Variants in PLD3 observed in about 807,000 individuals in gnomAD.
The protein encoded by PLD3 is phospholipase D family member 3, also known as 5'-3' exonuclease PLD3.
A neutral mutation model predicts 58.4 loss-of-function variants in PLD3; 31 were observed. The ratio of observed to expected loss-of-function variants is 0.53; its 90% CI spans 0.40 to 0.72. The LOEUF is 0.72. Among genes scored for constraint, PLD3 ranks in the 30% least tolerant of loss-of-function variants. The pLI, the probability that PLD3 is intolerant of heterozygous loss-of-function variation, is 0.00. For missense variants in PLD3, 595 were observed against 659.8 expected (o/e 0.90, Z 1.08); for synonymous variants, 264 against 273.4 (o/e 0.97, Z 0.34).
chr19:40,377,411 G>C (rs2079256672), intron 11 of PLD3, among the ~76,000 whole-genome samples: 1 of 133,328 alleles, frequency 7.5e-6, no homozygotes, highest in South Asian at 2.6e-4. Flanking sequence ...GGCCCAGGCA[G>C]AGGGGTCAGG....
intron 1 of PLD3, among the ~76,000 whole-genome samples, chr19:40,354,957 C>T (rs1291421504): frequency 2.7e-5 from 4 of 150,920 alleles, no homozygotes; most frequent in African/African-American, 7.3e-5. Context: ...CATGCCTCAG[C>T]CCCCTCAAGT....
intron 1 of PLD3, among the ~76,000 whole-genome samples, chr19:40,352,542 T>C (rs1600254453): frequency 6.6e-6 from 1 of 152,212 alleles, no homozygotes; most frequent in African/African-American, 2.4e-5. Flanking sequence ...TTACCACATA[T>C]CCTATTTCTC....
intron 1 of PLD3, among the ~76,000 whole-genome samples, chr19:40,361,063 C>T (rs190156101): frequency 6.6e-6 from 1 of 152,270 alleles, no homozygotes; most frequent in African/African-American, 2.4e-5. Flanking sequence ...AGGAGGGTCA[C>T]CTGAGGCCAG....
intron 1 of PLD3, among the ~76,000 whole-genome samples, chr19:40,353,629 A>G (rs546467290): frequency 2.6e-4 from 40 of 151,446 alleles, no homozygotes; most frequent in Admixed American, 8.6e-4. Context: ...CCCAGGCTGG[A>G]GTGCAGTGGT....
At chr19:40,375,565 G>T (rs113973835) in intron 10 of PLD3, among the ~76,000 whole-genome samples, 1 of 149,594 alleles carries the variant, frequency 6.7e-6, no homozygotes, top group Non-Finnish European at 1.5e-5. Context: ...CAGGAGAATC[G>T]CTTGAACCCG....
At chr19:40,355,638 C>T (rs1362002834) in intron 1 of PLD3, among the ~76,000 whole-genome samples, 5 of 68,962 alleles carry the variant, frequency 7.3e-5, no homozygotes, top group African/African-American at 3.0e-4. Flanking sequence ...TTTTTTTTTT[C>T]CTGCAATCTC....
intron 1 of PLD3, among the ~76,000 whole-genome samples, chr19:40,361,794 A>C (rs1055774653): frequency 6.7e-6 from 1 of 149,936 alleles, no homozygotes; most frequent in African/African-American, 2.5e-5. Context: ...TATGGCACTT[A>C]CTACCTTCTA....
intron 1 of PLD3, among the ~76,000 whole-genome samples, chr19:40,365,182 A>G (rs2078887268): frequency 6.6e-6 from 1 of 152,064 alleles, no homozygotes; most frequent in Admixed American, 6.6e-5. Context: ...CCCTGCCGTG[A>G]AAAGAGGTGC....
At chr19:40,364,268 C>T (rs1009914134) in intron 1 of PLD3, among the ~76,000 whole-genome samples, 4 of 151,444 alleles carry the variant, frequency 2.6e-5, no homozygotes, top group African/African-American at 9.7e-5. Context: ...GCAGGAGAAT[C>T]GCTTGAAACC....
intron 1 of PLD3, among the ~76,000 whole-genome samples, chr19:40,361,613 A>G (rs1336955901): frequency 6.6e-6 from 1 of 151,710 alleles, no homozygotes; most frequent in South Asian, 2.1e-4. Context: ...CTCCATCCAC[A>G]CCAGGCACAT....
chr19:40,373,507 G>A (rs993073291), intron 9 of PLD3, among the ~76,000 whole-genome samples: 2 of 151,026 alleles, frequency 1.3e-5, no homozygotes, highest in Non-Finnish European at 2.9e-5. Context: ...AACCCAGGAG[G>A]TAGAGGTTGC....
chr19:40,351,998 G>A (rs1416795587), intron 1 of PLD3, among the ~76,000 whole-genome samples: 4 of 152,122 alleles, frequency 2.6e-5, no homozygotes, highest in African/African-American at 4.8e-5. Context: ...GAGACCGGGC[G>A]TGGTGGTTCA....
At position 40,378,243 on chromosome 19, in the gene PLD3, C is replaced by T. The variant is rs530432974; in HGVS notation, c.*70C>T. ...ACCCAGGTGCTCTGGGTCACGGTCCCTGTCCCCGCGCCCCCGCTTCTGTCT... is the reference window on the plus strand; with the variant it reads ...ACCCAGGTGCTCTGGGTCACGGTCCTTGTCCCCGCGCCCCCGCTTCTGTCT... On this transcript the variant is annotated 3_prime_UTR_variant, in exon 13 of 13. Coordinates refer to ENST00000409735, the MANE Select transcript of PLD3 (RefSeq NM_012268.4). 11 of 1,439,700 alleles carry T rather than the reference C, an allele frequency of 7.6e-6. No individual in the cohort carries two copies. The South Asian group carries it at 9.2e-5, about 12-fold the overall frequency. The allele number at this position is 1,439,700 out of a possible 1,614,324, so 89.2% of individuals were successfully genotyped here.
At chr19:40,376,912 C>T in intron 11 of PLD3, 138 bp downstream of exon 11, 1 of 838,970 alleles carries the variant, frequency 1.2e-6, no homozygotes, top group Non-Finnish European at 1.8e-6. Flanking sequence ...GGGTCAGGGC[C>T]AGGGTCATGG....
At chr19:40,354,898 C>A (rs1208392312) in intron 1 of PLD3, among the ~76,000 whole-genome samples, 1 of 151,532 alleles carries the variant, frequency 6.6e-6, no homozygotes, top group Admixed American at 6.6e-5. Flanking sequence ...AGTGCAGTGG[C>A]ATGATCTCAG....
chr19:40,373,556 G>A (rs561983140), intron 9 of PLD3, among the ~76,000 whole-genome samples: 1 of 142,952 alleles, frequency 7.0e-6, no homozygotes, highest in South Asian at 2.3e-4. Flanking sequence ...CAGGCTGGGT[G>A]ACAGAGTGAG....
intron 1 of PLD3, chr19:40,360,217 C>G (rs769903575): frequency 2.6e-5 from 4 of 152,426 alleles, no homozygotes; most frequent in Non-Finnish European, 4.4e-5. Flanking sequence ...GAAATGCCAT[C>G]CCCTCCACCT....
rs367802500 is a variant in PLD3 at position 40,367,858 on chromosome 19, G to A, written c.408G>A (p.Thr136=). 45 of 1,558,440 alleles carry A rather than the reference G, an allele frequency of 2.9e-5. 1 individual carries two copies. The highest frequency in any genetic ancestry group is 1.7e-4 in the Middle Eastern group (1 of 6,004). The change falls in exon 6 of 13, where the codon ACG becomes ACA. Residue 136 remains threonine (T), a synonymous_variant. Coordinates refer to ENST00000409735, the MANE Select transcript of PLD3 (RefSeq NM_012268.4). ...YWTLTNNDTH[T]QEPSAQQGEE... is the part of the protein sequence containing the mutation. ...CCCTCACCAACAATGACACCCACAC[G>A]CAGGAGCCCTCTGCCCAGCAGGTAC...
intron 10 of PLD3, 46 bp from the exon 11 acceptor site, chr19:40,376,563 A>T (rs1186374940): frequency 1.9e-6 from 3 of 1,576,758 alleles, no homozygotes; most frequent in Non-Finnish European, 2.6e-6. Flanking sequence ...CTGTGGACAC[A>T]GCCGCCCTCT....
Sources: gnomAD v4.1 joint callset for allele counts (sites outside exome capture counted in the v4.1 genomes callset) on GRCh38, gnomAD v4.1.1 for gene constraint, MANE v1.5 for transcripts, NCBI Gene and HGNC (gene_info 2026-07-23, HGNC 2026-07-21) for gene names.